The following TMEM117 variants were observed in gnomAD, a reference collection of about 807,000 sequenced individuals.
TMEM117 encodes transmembrane protein 117.
In TMEM117, 27 loss-of-function variants were observed where a neutral mutation model predicts 52.4. That is an observed-to-expected ratio of 0.51 (90% CI 0.38 to 0.71). TMEM117 has a LOEUF of 0.71. Among genes scored for constraint, TMEM117 ranks in the 30% least tolerant of loss-of-function variants. The probability of loss-of-function intolerance (pLI) is 0.00; values close to 1 mark genes in which losing one functional copy is unlikely to be tolerated. For synonymous variants in TMEM117, 215 were observed against 206.3 expected, an observed-to-expected ratio of 1.04 and a Z score of -0.36; for missense variants, 556 against 630.5, an observed-to-expected ratio of 0.88 and a Z score of 1.26.
At chr12:44,095,232 C>T (rs1042184946) in intron 3 of TMEM117, among the ~76,000 whole-genome samples, 3 of 152,070 alleles carry the variant, frequency 2.0e-5, no homozygotes, top group South Asian at 2.1e-4. Flanking sequence ...GATCCTGAAG[C>T]GTTAACACTT....
chr12:44,201,777 C>T (rs796821242), intron 4 of TMEM117, among the ~76,000 whole-genome samples: 15 of 152,194 alleles, frequency 9.9e-5, no homozygotes, highest in African/African-American at 3.6e-4. Context: ...TAGGCTATAT[C>T]GTTGTCTTGC....
At chr12:44,137,067 C>A (rs1248635525) in intron 3 of TMEM117, among the ~76,000 whole-genome samples, 1 of 146,324 alleles carries the variant, frequency 6.8e-6, no homozygotes, top group Non-Finnish European at 1.5e-5. Flanking sequence ...CTAAAACATA[C>A]TATACCCTGG....
chr12:44,288,168 A>G (rs1047982322), intron 5 of TMEM117, among the ~76,000 whole-genome samples: 7 of 151,976 alleles, frequency 4.6e-5, no homozygotes, highest in African/African-American at 1.5e-4. Flanking sequence ...AATACAATAC[A>G]TTTGCATCTG....
chr12:44,024,004 T>C (rs576081455), intron 3 of TMEM117, among the ~76,000 whole-genome samples: 1 of 152,300 alleles, frequency 6.6e-6, no homozygotes, highest in African/African-American at 2.4e-5. Context: ...TAACTATTAT[T>C]ATTTTCCATG....
intron 6 of TMEM117, among the ~76,000 whole-genome samples, chr12:44,344,133 A>T (rs987410270): frequency 2.0e-5 from 3 of 152,150 alleles, no homozygotes; most frequent in Non-Finnish European, 4.4e-5. Context: ...CACAACTACT[A>T]TGCCAGGGAA....
intron 5 of TMEM117, among the ~76,000 whole-genome samples, chr12:44,237,919 T>C (rs1350206098): frequency 6.6e-6 from 1 of 152,176 alleles, no homozygotes; most frequent in Non-Finnish European, 1.5e-5. Context: ...TAGAGAAATA[T>C]TATTTTTGTA....
chr12:43,823,851 A>C, the TMEM117 span, among the ~76,000 whole-genome samples: 16 of 152,322 alleles, frequency 1.1e-4, no homozygotes, highest in East Asian at 2.9e-3. Flanking sequence ...TAGTGATTAA[A>C]TTGAAGTACT....
At chr12:44,341,879 G>A (rs567159716) in intron 6 of TMEM117, among the ~76,000 whole-genome samples, 6 of 152,226 alleles carry the variant, frequency 3.9e-5, no homozygotes, top group Admixed American at 2.0e-4. Context: ...GAAACAGAAC[G>A]CTAAGCAGTG....
At chr12:43,802,909 A>G in the TMEM117 span, among the ~76,000 whole-genome samples, 1 of 152,192 alleles carries the variant, frequency 6.6e-6, no homozygotes, top group Non-Finnish European at 1.5e-5. Context: ...ACTCCTTTTT[A>G]TTTGGCCATA....
At chr12:44,344,784 C>G (rs558359810) in intron 6 of TMEM117, among the ~76,000 whole-genome samples, 1 of 152,162 alleles carries the variant, frequency 6.6e-6, no homozygotes, top group African/African-American at 2.4e-5. Context: ...AGTTACATGT[C>G]TGCAGTGCTC....
At chr12:43,911,561 C>G in intron 2 of TMEM117, among the ~76,000 whole-genome samples, 1 of 150,338 alleles carries the variant, frequency 6.7e-6, no homozygotes, top group Admixed American at 6.6e-5. Flanking sequence ...GAACAGGCAA[C>G]CTACAGAATG....
intron 6 of TMEM117, among the ~76,000 whole-genome samples, chr12:44,351,952 A>AT (rs1951568235): frequency 6.6e-6 from 1 of 151,988 alleles, no homozygotes; most frequent in South Asian, 2.1e-4. Flanking sequence ...CTTAAAAAAA[A>AT]GCTGAAATTG....
At chr12:43,986,420 C>T (rs149415495) in intron 3 of TMEM117, among the ~76,000 whole-genome samples, 1 of 151,984 alleles carries the variant, frequency 6.6e-6, no homozygotes, top group African/African-American at 2.4e-5. Flanking sequence ...TATTATTTTC[C>T]ATCAGCACTT....
chr12:44,304,155 A>G (rs1592679098), intron 6 of TMEM117, among the ~76,000 whole-genome samples: 1 of 152,198 alleles, frequency 6.6e-6, no homozygotes, highest in Admixed American at 6.5e-5. Flanking sequence ...ATCCCCCAGC[A>G]GTGGCCACGT....
intron 5 of TMEM117, among the ~76,000 whole-genome samples, chr12:44,216,833 G>T (rs868804372): frequency 8.5e-5 from 13 of 152,160 alleles, no homozygotes; most frequent in African/African-American, 3.1e-4. Flanking sequence ...AAATCCATAG[G>T]ATTAAATTTT....
chr12:43,948,840 C>T (rs1424489954), intron 3 of TMEM117, among the ~76,000 whole-genome samples: 1 of 152,080 alleles, frequency 6.6e-6, no homozygotes, highest in African/African-American at 2.4e-5. Flanking sequence ...CAGGAAAAAT[C>T]CCAGAGGACA....
intron 5 of TMEM117, among the ~76,000 whole-genome samples, chr12:44,296,054 C>A (rs1480112653): frequency 6.6e-6 from 1 of 152,160 alleles, no homozygotes; most frequent in Non-Finnish European, 1.5e-5. Context: ...GGAATTTTAA[C>A]TGGGTCACGA....
At chr12:43,824,164 C>T in the TMEM117 span, among the ~76,000 whole-genome samples, 4 of 152,142 alleles carry the variant, frequency 2.6e-5, no homozygotes, top group African/African-American at 9.7e-5. Context: ...TTTCTCTCAC[C>T]AAGCATGTCT....
chr12:44,237,220 C>T (rs1032512769), intron 5 of TMEM117, among the ~76,000 whole-genome samples: 3 of 152,076 alleles, frequency 2.0e-5, no homozygotes, highest in African/African-American at 7.2e-5. Flanking sequence ...TTAAAACAGT[C>T]ACGTTTCATC....
Sources: gnomAD v4.1 joint callset for allele counts (sites outside exome capture counted in the v4.1 genomes callset) on GRCh38, gnomAD v4.1.1 for gene constraint, MANE v1.5 for transcripts, NCBI Gene and HGNC (gene_info 2026-07-23, HGNC 2026-07-21) for gene names.